The following SBF2 variants were observed in gnomAD, a reference collection of about 807,000 sequenced individuals.
The protein encoded by SBF2 is myotubularin-related protein 13.
A neutral mutation model predicts 225.2 loss-of-function variants in SBF2; 112 were observed. The ratio of observed to expected loss-of-function variants is 0.50; its 90% CI spans 0.43 to 0.58. The LOEUF (loss-of-function observed/expected upper bound fraction) is 0.58. Ranked by LOEUF, SBF2 falls within the 20% of genes least tolerant of loss-of-function variation. SBF2 has a pLI of 0.00. For synonymous variants in SBF2, 763 were observed against 773.3 expected (o/e 0.99, Z 0.22); for missense variants, 1,996 against 2,206.2 (o/e 0.90, Z 1.91).
intron 16 of SBF2, among the ~76,000 whole-genome samples, chr11:9,941,914 T>C (rs1865273421): frequency 6.6e-6 from 1 of 152,104 alleles, no homozygotes; most frequent in Non-Finnish European, 1.5e-5. Flanking sequence ...TTAAGGAAGT[T>C]TGCAATATTA....
intron 1 of SBF2, among the ~76,000 whole-genome samples, chr11:10,264,257 T>C (rs1284032306): frequency 2.0e-5 from 3 of 152,170 alleles, no homozygotes; most frequent in Non-Finnish European, 4.4e-5. Context: ...CTAATCCAAA[T>C]ACTCACAATA....
At chr11:10,063,235 T>C (rs772597408) in intron 2 of SBF2, among the ~76,000 whole-genome samples, 17 of 151,902 alleles carry the variant, frequency 1.1e-4, no homozygotes, top group Non-Finnish European at 2.2e-4. Flanking sequence ...GCTTAATAAC[T>C]TGGTAATGTA....
chr11:9,951,117 G>C (rs1008913803), intron 16 of SBF2, among the ~76,000 whole-genome samples: 3 of 152,086 alleles, frequency 2.0e-5, no homozygotes, highest in African/African-American at 4.8e-5. Flanking sequence ...AGTAGGAGTT[G>C]GCCAAGGGAA....
At position 9,852,802 on chromosome 11, in the gene SBF2, A is replaced by T. The variant is rs1857051138; in HGVS notation, c.2537-53T>A. On this transcript the variant is annotated intron_variant, in intron 20 of 39. Coordinates refer to ENST00000256190, the MANE Select transcript of SBF2 (RefSeq NM_030962.4). ...AAAGAACACAGACAAGCAGGATAAA[A>T]ACAAATTCTGGATATTTTAGAATTA... 5.3e-6 allele frequency: 7 copies of T among 1,314,276 alleles called. No homozygotes were observed. The South Asian group carries it at 7.1e-5, about 13-fold the overall frequency. The allele number at this position is 1,314,276 out of a possible 1,614,324, so 81.4% of individuals were successfully genotyped here. A position where few individuals can be genotyped will look rare whatever the true frequency, so the allele number is the denominator to read the frequency against.
chr11:10,032,690 G>GT (rs1412514010), intron 3 of SBF2, among the ~76,000 whole-genome samples: 3 of 152,142 alleles, frequency 2.0e-5, no homozygotes, highest in Non-Finnish European at 2.9e-5. Context: ...CACTTATCTT[G>GT]TTTTTTAGTT....
intron 2 of SBF2, among the ~76,000 whole-genome samples, chr11:10,111,311 T>A (rs1180896515): frequency 6.6e-6 from 1 of 152,194 alleles, no homozygotes; most frequent in Non-Finnish European, 1.5e-5. Flanking sequence ...CTTTTTAATT[T>A]ATGGAGGAGG....
At chr11:9,892,612 T>C (rs1389096672) in intron 17 of SBF2, among the ~76,000 whole-genome samples, 1 of 151,498 alleles carries the variant, frequency 6.6e-6, no homozygotes, top group Non-Finnish European at 1.5e-5. Context: ...CAGGCTGGAG[T>C]ACAATGGTGC....
chr11:9,969,419 T>C (rs1040902937), intron 13 of SBF2, among the ~76,000 whole-genome samples: 37 of 152,212 alleles, frequency 2.4e-4, no homozygotes, highest in African/African-American at 8.9e-4. Context: ...CAATGGCTTG[T>C]CATCTCACTC....
At chr11:10,001,132 A>G in intron 7 of SBF2, 110 bp from the exon 8 acceptor site, 1 of 668,034 alleles carries the variant, frequency 1.5e-6, no homozygotes, top group Non-Finnish European at 2.7e-6. Flanking sequence ...AGAAATTATC[A>G]ATAATGTTTT....
chr11:10,290,594 G>A (rs1357829582), intron 1 of SBF2, among the ~76,000 whole-genome samples: 1 of 152,108 alleles, frequency 6.6e-6, no homozygotes, highest in Non-Finnish European at 1.5e-5. Flanking sequence ...GAGAGGAGTA[G>A]ATGGTAGTGA....
rs769205402 is a variant in SBF2 at position 9,812,580 on chromosome 11, T to G, written c.4107A>C (p.Ser1369=). ...ACIPSTIPTD[S]EVTFLKALGD... is the part of the protein sequence containing the mutation. ...CCAGCGCTTTCAGGAAGGTCACTTC[T>G]GAGTCAGTAGGGATGGTGCTTGGGA... The change falls in exon 30 of 40, where the codon TCA becomes TCC. Residue 1369 remains serine (S), a synonymous_variant. Coordinates refer to ENST00000256190, the MANE Select transcript of SBF2 (RefSeq NM_030962.4). 59 of 1,614,116 alleles carry G rather than the reference T, an allele frequency of 3.7e-5. No individual in the cohort carries two copies. The highest frequency in any genetic ancestry group is 5.0e-5 in the Admixed American group (3 of 60,008).
intron 12 of SBF2, 33 bp from the exon 13 acceptor site, chr11:9,989,628 T>C: frequency 3.2e-6 from 4 of 1,255,124 alleles, no homozygotes; most frequent in Middle Eastern, 1.9e-4. Context: ...AAAACATCAA[T>C]TCCAAAATAT....
intron 2 of SBF2, among the ~76,000 whole-genome samples, chr11:10,161,466 C>T (rs1955732009): frequency 6.6e-6 from 1 of 152,204 alleles, no homozygotes; most frequent in Admixed American, 6.5e-5. Context: ...GAATGACTAG[C>T]TGAAGCCTGC....
intron 14 of SBF2, 130 bp downstream of exon 14, chr11:9,968,211 G>C: frequency 1.2e-6 from 1 of 806,812 alleles, no homozygotes; most frequent in Middle Eastern, 3.5e-4. Flanking sequence ...TCTGAGTATT[G>C]ATAATGCTCT....
chr11:10,048,617 C>T (rs147536050), intron 2 of SBF2, among the ~76,000 whole-genome samples: 31 of 152,258 alleles, frequency 2.0e-4, no homozygotes, highest in African/African-American at 5.5e-4. Context: ...GGGCCTGTCA[C>T]TTCAAGATAA....
chr11:10,097,855 C>T (rs1238537670), intron 2 of SBF2, among the ~76,000 whole-genome samples: 1 of 152,118 alleles, frequency 6.6e-6, no homozygotes, highest in Non-Finnish European at 1.5e-5. Context: ...ATAGTGAGTT[C>T]CTGTCTTCTA....
At chr11:9,861,294 A>C (rs1201087171) in intron 17 of SBF2, among the ~76,000 whole-genome samples, 1 of 152,198 alleles carries the variant, frequency 6.6e-6, no homozygotes, top group Non-Finnish European at 1.5e-5. Flanking sequence ...TCCTGGGCTT[A>C]AGGGATTCTC....
chr11:9,904,549 G>C (rs1252554563), intron 16 of SBF2, among the ~76,000 whole-genome samples: 3 of 152,088 alleles, frequency 2.0e-5, no homozygotes, highest in African/African-American at 7.2e-5. Context: ...AGTTCAAGCA[G>C]GTAGAAAAAT....
At chr11:9,964,149 T>C (rs965200297) in intron 14 of SBF2, among the ~76,000 whole-genome samples, 1 of 152,186 alleles carries the variant, frequency 6.6e-6, no homozygotes, top group Admixed American at 6.5e-5. Context: ...CTCGGGAGGC[T>C]GAGGTCGGAG....
Sources: gnomAD v4.1 joint callset for allele counts (sites outside exome capture counted in the v4.1 genomes callset) on GRCh38, gnomAD v4.1.1 for gene constraint, MANE v1.5 for transcripts, NCBI Gene and HGNC (gene_info 2026-07-23, HGNC 2026-07-21) for gene names.